KCNN2: variants seen among roughly 807,000 people sequenced by gnomAD.
KCNN2 encodes potassium calcium-activated channel subfamily N member 2, also known as small conductance calcium-activated potassium channel protein 2.
KCNN2 carries 24 observed loss-of-function variants against 55.5 expected under a neutral mutation model. That is an observed-to-expected ratio of 0.43 (90% CI 0.31 to 0.61). The LOEUF is 0.61. Ranked by LOEUF, KCNN2 falls within the 20% of genes least tolerant of loss-of-function variation. KCNN2 has a pLI of 0.08. For missense variants in KCNN2, 754 were observed against 853.6 expected (o/e 0.88, Z 1.45); for synonymous variants, 431 against 336.1 (o/e 1.28, Z -3.09).
intron 3 of KCNN2, among the ~76,000 whole-genome samples, chr5:114,428,508 G>A (rs1185682744): frequency 2.0e-5 from 3 of 152,030 alleles, no homozygotes; most frequent in Non-Finnish European, 4.4e-5. Context: ...ATAAAAGTAT[G>A]CATATTTATT....
intron 2 of KCNN2, among the ~76,000 whole-genome samples, chr5:114,255,050 TCA>T (rs900691323): frequency 2.6e-5 from 4 of 152,178 alleles, no homozygotes; most frequent in African/African-American, 9.7e-5. Flanking sequence ...GGTACAGAGT[TCA>T]CAGTCTGTAA....
chr5:114,406,310 T>C (rs1245532440), intron 3 of KCNN2, among the ~76,000 whole-genome samples: 1 of 151,776 alleles, frequency 6.6e-6, no homozygotes, highest in Non-Finnish European at 1.5e-5. Flanking sequence ...GAGCTATCTA[T>C]TAACTTTCTT....
At chr5:114,089,901 T>G (rs910365957) in intron 1 of KCNN2, among the ~76,000 whole-genome samples, 1 of 152,208 alleles carries the variant, frequency 6.6e-6, no homozygotes, top group African/African-American at 2.4e-5. Flanking sequence ...ATCGAGGATC[T>G]GAGTATTTTA....
chr5:114,280,687 G>C (rs543855727), intron 2 of KCNN2, among the ~76,000 whole-genome samples: 108 of 152,272 alleles, frequency 7.1e-4, no homozygotes, highest in Non-Finnish European at 1.1e-3. Context: ...CACTGCAGTA[G>C]CCTGGTAATG....
intron 2 of KCNN2, among the ~76,000 whole-genome samples, chr5:114,287,101 A>G (rs1031839671): frequency 6.6e-6 from 1 of 152,220 alleles, no homozygotes; most frequent in Non-Finnish European, 1.5e-5. Context: ...GCCCATGGAC[A>G]GAACCCTGGA....
intron 1 of KCNN2, among the ~76,000 whole-genome samples, chr5:114,191,139 A>C (rs1191696834): frequency 6.6e-6 from 1 of 152,170 alleles, no homozygotes; most frequent in African/African-American, 2.4e-5. Flanking sequence ...AATTGTATGA[A>C]TTATTTGTAA....
chr5:114,361,396 T>C (rs942709839), upstream of KCNN2, among the ~76,000 whole-genome samples: 1 of 151,750 alleles, frequency 6.6e-6, no homozygotes, highest in Non-Finnish European at 1.5e-5. Flanking sequence ...TCGGCTATGA[T>C]CCCGCAGCGG....
intron 2 of KCNN2, among the ~76,000 whole-genome samples, chr5:114,223,519 G>A (rs1561529540): frequency 6.6e-6 from 1 of 152,126 alleles, no homozygotes; most frequent in African/African-American, 2.4e-5. Flanking sequence ...TAAGACAGGA[G>A]TCTCCTTGGA....
intron 2 of KCNN2, among the ~76,000 whole-genome samples, chr5:114,392,483 A>C (rs1193249368): frequency 1.3e-5 from 2 of 152,192 alleles, no homozygotes; most frequent in African/African-American, 4.8e-5. Flanking sequence ...AATGGGCATG[A>C]GACTTCAAGA....
At chr5:114,094,533 C>T (rs1384461808) in intron 1 of KCNN2, among the ~76,000 whole-genome samples, 2 of 152,096 alleles carry the variant, frequency 1.3e-5, no homozygotes, top group African/African-American at 4.8e-5. Context: ...GATAATTGGG[C>T]TTAGGATTTA....
At chr5:114,300,010 T>C (rs1756119628) in intron 2 of KCNN2, among the ~76,000 whole-genome samples, 1 of 93,414 alleles carries the variant, frequency 1.1e-5, no homozygotes, top group Admixed American at 1.3e-4. Flanking sequence ...AGCCTGGTGG[T>C]GATTCTTCCA....
chr5:114,341,486 G>C (rs1757013560), intron 2 of KCNN2, among the ~76,000 whole-genome samples: 1 of 152,028 alleles, frequency 6.6e-6, no homozygotes, highest in South Asian at 2.1e-4. Context: ...TCAGATCCTG[G>C]ACAACTTGCT....
chr5:114,143,513 G>A (rs1386530607), intron 1 of KCNN2, among the ~76,000 whole-genome samples: 3 of 152,116 alleles, frequency 2.0e-5, no homozygotes, highest in African/African-American at 2.4e-5. Flanking sequence ...AGCGTTTATA[G>A]CCCTGTCTTA....
chr5:114,481,674 G>A (rs553068682), intron 5 of KCNN2, among the ~76,000 whole-genome samples: 168 of 152,186 alleles, frequency 1.1e-3, no homozygotes, highest in Admixed American at 3.6e-3. Context: ...CTAAAACACC[G>A]TGGTAAACTG....
At chr5:114,220,784 C>T (rs1447813451) in intron 1 of KCNN2, among the ~76,000 whole-genome samples, 1 of 149,294 alleles carries the variant, frequency 6.7e-6, no homozygotes, top group Admixed American at 6.7e-5. Context: ...TGAGATCGTG[C>T]CACTGCACTC....
At chr5:114,111,480 T>A (rs537949724) in intron 1 of KCNN2, among the ~76,000 whole-genome samples, 1 of 152,102 alleles carries the variant, frequency 6.6e-6, no homozygotes, top group African/African-American at 2.4e-5. Flanking sequence ...AATTGACAAA[T>A]GGGATCTAAT....
chr5:114,157,504 C>G (rs953114036), intron 1 of KCNN2, among the ~76,000 whole-genome samples: 7 of 152,096 alleles, frequency 4.6e-5, no homozygotes, highest in African/African-American at 1.7e-4. Context: ...GATTTATAAT[C>G]CTTTGGGTAT....
intron 2 of KCNN2, among the ~76,000 whole-genome samples, chr5:114,292,607 G>C (rs1300230896): frequency 1.3e-5 from 2 of 152,196 alleles, no homozygotes; most frequent in Non-Finnish European, 2.9e-5. Flanking sequence ...TTGTAGTATA[G>C]TTTGAAGTCA....
intron 1 of KCNN2, among the ~76,000 whole-genome samples, chr5:114,155,693 AC>A (rs561938193): frequency 1.4e-4 from 21 of 152,128 alleles, no homozygotes; most frequent in Admixed American, 1.1e-3. Flanking sequence ...CTTTTCAAAA[AC>A]GTCGGTTCAT....
Sources: allele counts gnomAD v4.1 joint callset (sites outside exome capture counted in the v4.1 genomes callset), GRCh38; gene constraint gnomAD v4.1.1; transcripts MANE v1.5; gene names NCBI Gene and HGNC (gene_info 2026-07-23, HGNC 2026-07-21).